Variants in RSF1 observed in about 807,000 individuals in gnomAD.
The protein encoded by RSF1 is HBV pX-associated protein 8.
In RSF1, 13 loss-of-function variants were observed where a neutral mutation model predicts 145.2. The ratio of observed to expected loss-of-function variants is 0.09; its 90% CI spans 0.06 to 0.14. The LOEUF is 0.14. Ranked by LOEUF, RSF1 falls within the 10% of genes least tolerant of loss-of-function variation. The pLI is 1.00. For synonymous variants in RSF1, 577 were observed against 592.6 expected (o/e 0.97, Z 0.38); for missense variants, 1,517 against 1,718.2 (o/e 0.88, Z 2.07).
At chr11:77,795,012 A>G (rs981989696) in intron 1 of RSF1, among the ~76,000 whole-genome samples, 9 of 152,220 alleles carry the variant, frequency 5.9e-5, no homozygotes, top group Non-Finnish European at 1.3e-4. Context: ...AGAGACAAAA[A>G]TCAACATATA....
intron 1 of RSF1, among the ~76,000 whole-genome samples, chr11:77,782,235 TAGGCCAGAAGTGGTGGCTCACG>T (rs911451292): frequency 1.6e-4 from 25 of 152,250 alleles, no homozygotes; most frequent in South Asian, 6.2e-4. Context: ...GAACAAGGAT[TAGGCCAGAAGTGGTGGCTCACG>T]AGGCCAGAAG....
chr11:77,712,554 T>A (rs1176450794), intron 5 of RSF1, among the ~76,000 whole-genome samples: 1 of 152,218 alleles, frequency 6.6e-6, no homozygotes, highest in African/African-American at 2.4e-5. Flanking sequence ...CAGATAAATA[T>A]CCTGGGGGAG....
intron 3 of RSF1, among the ~76,000 whole-genome samples, chr11:77,745,954 T>C (rs1947995173): frequency 6.6e-6 from 1 of 152,076 alleles, no homozygotes; most frequent in Non-Finnish European, 1.5e-5. Context: ...CACTTTCTTA[T>C]GTATTTACAT....
At chr11:77,857,633 G>A in the RSF1 span, among the ~76,000 whole-genome samples, 1 of 150,474 alleles carries the variant, frequency 6.6e-6, no homozygotes, top group Admixed American at 6.6e-5. Context: ...AGAACATGCA[G>A]GTTTGTTACA....
chr11:77,708,145 C>A lies in RSF1; in HGVS notation c.734-5650G>T, dbSNP rs1960596577. On this transcript the variant is annotated intron_variant, in intron 5 of 15. Coordinates refer to ENST00000308488, the MANE Select transcript of RSF1 (RefSeq NM_016578.4). ...TTCAGAAAAGGTACTCTTGGCCAGG[C>A]ATGTTGGCTCACGCCTGTAATCCCA... Among the ~76,000 whole-genome samples the A allele has an allele frequency of 2.0e-5, 3 of 152,324 alleles. No individual in the cohort carries two copies. In the South Asian group the frequency reaches 6.2e-4, roughly 32 times the overall value.
chr11:77,752,332 G>A lies in RSF1; in HGVS notation c.280-5204C>T, dbSNP rs369091653. ...TTCCCTTTTTTGTTAGCACGTATAC[G>A]GTAAGAAAGAAAGGGGGAACATGGC... On this transcript the variant is annotated intron_variant, in intron 2 of 15. Coordinates refer to ENST00000308488, the MANE Select transcript of RSF1 (RefSeq NM_016578.4). Among the ~76,000 whole-genome samples the A allele has an allele frequency of 5.0e-3, 767 of 152,218 alleles. 9 individuals carry two copies. Among genetic ancestry groups the A allele is most frequent in the African/African-American group, 0.017 (697 of 41,530 alleles).
At chr11:77,754,097 C>G (rs1948092125) in intron 2 of RSF1, among the ~76,000 whole-genome samples, 1 of 152,156 alleles carries the variant, frequency 6.6e-6, no homozygotes, top group South Asian at 2.1e-4. Flanking sequence ...TCCACTATTG[C>G]AATTCAGCTG....
intron 15 of RSF1, among the ~76,000 whole-genome samples, chr11:77,668,061 A>C (rs1565141795): frequency 6.7e-6 from 1 of 149,006 alleles, no homozygotes; most frequent in Non-Finnish European, 1.5e-5. Context: ...ATCATGGCGC[A>C]AACTAGGCTC....
At chr11:77,840,039 C>G in the RSF1 span, among the ~76,000 whole-genome samples, 3 of 151,668 alleles carry the variant, frequency 2.0e-5, no homozygotes, top group African/African-American at 7.3e-5. Flanking sequence ...AAATAAAGAC[C>G]AGGGTTGATA....
At chr11:77,718,203 G>A (rs1225750089) in intron 5 of RSF1, 2 of 152,340 alleles carry the variant, frequency 1.3e-5, no homozygotes, top group Non-Finnish European at 2.9e-5. Flanking sequence ...CTACTCGGGA[G>A]GCTGAGGCAG....
At chr11:77,708,553 A>C (rs1960606852) in intron 5 of RSF1, among the ~76,000 whole-genome samples, 1 of 152,220 alleles carries the variant, frequency 6.6e-6, no homozygotes, top group Non-Finnish European at 1.5e-5. Flanking sequence ...TCAAAGTTTC[A>C]TCATCTCACT....
intron 11 of RSF1, among the ~76,000 whole-genome samples, chr11:77,678,579 A>G (rs982498550): frequency 2.6e-4 from 39 of 152,178 alleles, no homozygotes; most frequent in African/African-American, 9.2e-4. Flanking sequence ...ATGTCCCCTC[A>G]AAATCCCCAT....
chr11:77,735,077 G>T, intron 4 of RSF1: 1 of 1,077,288 alleles, frequency 9.3e-7, no homozygotes, highest in Non-Finnish European at 1.4e-6. Flanking sequence ...CGTGGCGCTG[G>T]GGCGGCGGCA....
At chr11:77,691,439 G>A (rs575627121) in intron 8 of RSF1, among the ~76,000 whole-genome samples, 5 of 152,202 alleles carry the variant, frequency 3.3e-5, no homozygotes, top group Admixed American at 6.5e-5. Flanking sequence ...TAAAGCACAC[G>A]TTAAAGAAAC....
chr11:77,706,172 C>T (rs1185628533), intron 5 of RSF1, among the ~76,000 whole-genome samples: 4 of 147,460 alleles, frequency 2.7e-5, no homozygotes, highest in African/African-American at 1.0e-4. Flanking sequence ...ACCCGGGAGG[C>T]AGAGGCTGCA....
upstream of RSF1, among the ~76,000 whole-genome samples, chr11:77,823,893 A>G (rs1773932539): frequency 6.6e-6 from 1 of 151,696 alleles, no homozygotes. Context: ...CCCACATTCC[A>G]GTGAGGTTGT....
At chr11:77,737,612 G>C (rs1234751169) in intron 4 of RSF1, among the ~76,000 whole-genome samples, 2 of 136,126 alleles carry the variant, frequency 1.5e-5, no homozygotes, top group Non-Finnish European at 3.1e-5. Context: ...AGTTTTATGT[G>C]TTTTGGGGGG....
chr11:77,809,641 G>A (rs555824848), intron 1 of RSF1, among the ~76,000 whole-genome samples: 13 of 152,324 alleles, frequency 8.5e-5, no homozygotes, highest in Middle Eastern at 3.4e-3. Context: ...GAATTCAGAT[G>A]CCAGACCAAG....
At chr11:77,816,152 TA>T (rs1293454244) in intron 1 of RSF1, among the ~76,000 whole-genome samples, 1 of 152,206 alleles carries the variant, frequency 6.6e-6, no homozygotes, top group Non-Finnish European at 1.5e-5. Flanking sequence ...GAGACACAAC[TA>T]AAAAGTTTCA....
Sources: allele counts gnomAD v4.1 joint callset (sites outside exome capture counted in the v4.1 genomes callset), GRCh38; gene constraint gnomAD v4.1.1; transcripts MANE v1.5; gene names NCBI Gene and HGNC (gene_info 2026-07-23, HGNC 2026-07-21).